NCAM1: variants seen among roughly 807,000 people sequenced by gnomAD.
The protein encoded by NCAM1 is neural cell adhesion molecule 1.
A neutral mutation model predicts 109.8 loss-of-function variants in NCAM1; 14 were observed. That is an observed-to-expected ratio of 0.13 (90% confidence interval 0.08 to 0.20). The LOEUF (loss-of-function observed/expected upper bound fraction) is 0.20. Ranked by LOEUF, NCAM1 falls within the 10% of genes least tolerant of loss-of-function variation. NCAM1 has a pLI of 1.00. For missense variants in NCAM1, 774 were observed against 1,109.9 expected, an observed-to-expected ratio of 0.70 and a Z score of 4.30; for synonymous variants, 418 against 442.9, an observed-to-expected ratio of 0.94 and a Z score of 0.70.
chr11:113,221,631 C>G, intron 9 of NCAM1: 3 of 289,968 alleles, frequency 1.0e-5, no homozygotes, highest in Non-Finnish European at 2.0e-5. Context: ...CCAGGCCAGG[C>G]ATTTTGAAAT....
chr11:113,214,040 C>T (rs1394020923), intron 7 of NCAM1, among the ~76,000 whole-genome samples: 1 of 152,232 alleles, frequency 6.6e-6, no homozygotes, highest in Admixed American at 6.5e-5. Context: ...TAGAGTTCCA[C>T]CTCCTGAAAA....
intron 1 of NCAM1, among the ~76,000 whole-genome samples, chr11:113,025,327 T>G (rs2135282222): frequency 6.6e-6 from 1 of 152,320 alleles, no homozygotes; most frequent in Middle Eastern, 3.4e-3. Flanking sequence ...GTAGAACAAC[T>G]ACAAAAACAG....
chr11:112,993,258 A>T (rs1278645041), intron 1 of NCAM1, among the ~76,000 whole-genome samples: 4 of 152,156 alleles, frequency 2.6e-5, no homozygotes, highest in Non-Finnish European at 1.5e-5. Flanking sequence ...ATCATGGCAG[A>T]AGGCAAAAAG....
intron 1 of NCAM1, among the ~76,000 whole-genome samples, chr11:113,003,665 T>C (rs143303026): frequency 6.6e-6 from 1 of 152,340 alleles, no homozygotes; most frequent in African/African-American, 2.4e-5. Context: ...AACATAAAAG[T>C]CACTTACTTG....
intron 1 of NCAM1, chr11:113,133,765 A>G (rs1035323110): frequency 1.3e-5 from 2 of 152,228 alleles, no homozygotes; most frequent in Admixed American, 6.5e-5. Flanking sequence ...CTGTGTAAAG[A>G]CAAAAATATT....
In NCAM1 at chr11:113,207,790, C is replaced by T. The variant is rs1340877446; in HGVS notation, c.747-43C>T. ...CTAATTAAAAATAAACGTCTTATTT[C>T]TGTGGTCGAAATCATGCTACTTTGC... is the stretch of plus-strand genomic sequence containing the variant. On this transcript the variant is annotated intron_variant, in intron 6 of 19. Coordinates refer to ENST00000316851, the MANE Select transcript of NCAM1 (RefSeq NM_181351.5). 4 of 1,555,822 alleles carry T rather than the reference C, an allele frequency of 2.6e-6. No homozygotes were observed. The African/African-American group carries it at 5.4e-5, about 21-fold the overall frequency.
chr11:113,170,662 G>T (rs1480738114), intron 1 of NCAM1, among the ~76,000 whole-genome samples: 2 of 152,000 alleles, frequency 1.3e-5, no homozygotes, highest in African/African-American at 4.8e-5. Flanking sequence ...TTCATCTCGG[G>T]GCTGCTTGTT....
chr11:112,962,396 G>C lies in NCAM1; in HGVS notation c.52+732G>C, dbSNP rs1464687474. ...CCGCGTTTTGACAGGAGGAAGTGCGGAGGGGCGGAGGGCGAGGAGGGCGTG... is the reference window on the plus strand; with the variant it reads ...CCGCGTTTTGACAGGAGGAAGTGCGCAGGGGCGGAGGGCGAGGAGGGCGTG... On this transcript the variant is annotated intron_variant, in intron 1 of 19. Coordinates refer to ENST00000316851, the MANE Select transcript of NCAM1 (RefSeq NM_181351.5). The surrounding 1 kb of genome is among the most constrained non-coding windows in gnomAD (Gnocchi z 5.6). Among the ~76,000 whole-genome samples the C allele has an allele frequency of 1.3e-5, 2 of 152,140 alleles. No homozygotes were observed. Among genetic ancestry groups the C allele is most frequent in the Non-Finnish European group, 2.9e-5 (2 of 68,024 alleles).
intron 8 of NCAM1, among the ~76,000 whole-genome samples, chr11:113,218,238 A>G (rs1944585653): frequency 6.6e-6 from 1 of 152,168 alleles, no homozygotes; most frequent in South Asian, 2.1e-4. Flanking sequence ...CACTGATAGA[A>G]ATGTTGACTA....
chr11:113,171,765 G>A (rs1013363763), intron 1 of NCAM1, among the ~76,000 whole-genome samples: 3 of 152,140 alleles, frequency 2.0e-5, no homozygotes, highest in Admixed American at 2.0e-4. Context: ...GCTTTCCTAC[G>A]AAATATGGGT....
chr11:113,040,294 G>A lies in NCAM1; in HGVS notation c.52+78630G>A, dbSNP rs527452309. Among the ~76,000 whole-genome samples, 21 of 152,214 alleles carry A rather than the reference G, an allele frequency of 1.4e-4. No individual in the cohort carries two copies. The South Asian group carries it at 3.9e-3, about 29-fold the overall frequency. ...AATACATTCCAAGTGTACCCTGGTCGCAAATGCATGGTGGCTGCCATATTG... is the reference window on the plus strand; with the variant it reads ...AATACATTCCAAGTGTACCCTGGTCACAAATGCATGGTGGCTGCCATATTG... On this transcript the variant is annotated intron_variant, in intron 1 of 19. Coordinates refer to ENST00000316851, the MANE Select transcript of NCAM1 (RefSeq NM_181351.5).
intron 1 of NCAM1, among the ~76,000 whole-genome samples, chr11:113,150,631 C>T (rs566873096): frequency 5.3e-5 from 8 of 152,260 alleles, no homozygotes; most frequent in Middle Eastern, 6.8e-3. Context: ...CAAGACAAAC[C>T]GACATCAGCC....
chr11:113,042,821 C>T (rs923468715), intron 1 of NCAM1, among the ~76,000 whole-genome samples: 3 of 152,170 alleles, frequency 2.0e-5, no homozygotes, highest in Non-Finnish European at 4.4e-5. Flanking sequence ...CCGCTCGCCC[C>T]TTCACCCGTT....
At chr11:113,179,055 C>CGGT (rs1943254162) in intron 1 of NCAM1, among the ~76,000 whole-genome samples, 1 of 152,114 alleles carries the variant, frequency 6.6e-6, no homozygotes, top group Admixed American at 6.5e-5. Context: ...TTTGGTAATA[C>CGGT]CATGTTGGTA....
intron 1 of NCAM1, 35 bp from the exon 2 acceptor site, chr11:113,202,344 T>TTTTGTTTTGTTTTG: frequency 2.6e-6 from 4 of 1,522,248 alleles, no homozygotes; most frequent in Non-Finnish European, 3.6e-6. Flanking sequence ...TTTTTTTTGT[T>TTTTGTTTTGTTTTG]TTTTGTTTTG....
chr11:113,071,511 C>T (rs1008104371), intron 1 of NCAM1, among the ~76,000 whole-genome samples: 16 of 151,144 alleles, frequency 1.1e-4, no homozygotes, highest in African/African-American at 2.9e-4. Context: ...CTGCAAACTC[C>T]GCCTCCTGGG....
chr11:113,009,051 T>C (rs1555073799), intron 1 of NCAM1, among the ~76,000 whole-genome samples: 1 of 152,204 alleles, frequency 6.6e-6, no homozygotes, highest in Non-Finnish European at 1.5e-5. Flanking sequence ...AGTATTTTGC[T>C]ATTCATGGAG....
intron 1 of NCAM1, among the ~76,000 whole-genome samples, chr11:113,022,996 G>A (rs1952434836): frequency 6.6e-6 from 1 of 152,174 alleles, no homozygotes; most frequent in Non-Finnish European, 1.5e-5. Flanking sequence ...ACCCACTGCA[G>A]GAAAGGACAG....
intron 1 of NCAM1, among the ~76,000 whole-genome samples, chr11:113,121,693 A>G (rs1940969007): frequency 6.6e-6 from 1 of 152,156 alleles, no homozygotes; most frequent in Non-Finnish European, 1.5e-5. Context: ...TATCTTGGTC[A>G]GACTTCATGA....
Sources: allele counts gnomAD v4.1 joint callset (sites outside exome capture counted in the v4.1 genomes callset), GRCh38; gene constraint gnomAD v4.1.1; non-coding constraint Gnocchi (gnomAD v3.1); transcripts MANE v1.5; gene names NCBI Gene and HGNC (gene_info 2026-07-23, HGNC 2026-07-21).